The following DIAPH3 variants were observed in gnomAD, a reference collection of about 807,000 sequenced individuals.
The protein encoded by DIAPH3 is diaphanous related formin 3.
A neutral mutation model predicts 144.3 loss-of-function variants in DIAPH3; 117 were observed. The ratio of observed to expected loss-of-function variants is 0.81; its 90% CI spans 0.70 to 0.95. DIAPH3 has a LOEUF of 0.95. Among genes scored for constraint, DIAPH3 ranks in the 40% least tolerant of loss-of-function variants. The pLI, the probability that DIAPH3 is intolerant of heterozygous loss-of-function variation, is 0.00. For synonymous variants in DIAPH3, 519 were observed against 488.9 expected, an observed-to-expected ratio of 1.06 and a Z score of -0.81; for missense variants, 1,421 against 1,412.7, an observed-to-expected ratio of 1.01 and a Z score of -0.09.
intron 5 of DIAPH3, among the ~76,000 whole-genome samples, chr13:60,023,480 C>G (rs1199491585): frequency 2.0e-5 from 3 of 151,462 alleles, no homozygotes; most frequent in African/African-American, 7.3e-5. Context: ...GTCTCCCAAA[C>G]TGGAGGGCAG....
chr13:59,786,617 C>T (rs1470822939), intron 25 of DIAPH3, among the ~76,000 whole-genome samples: 1 of 151,980 alleles, frequency 6.6e-6, no homozygotes, highest in African/African-American at 2.4e-5. Context: ...GTAAGAGTAA[C>T]CATATAATGG....
intron 27 of DIAPH3, among the ~76,000 whole-genome samples, chr13:59,758,135 C>T (rs2037383949): frequency 6.6e-6 from 1 of 152,164 alleles, no homozygotes; most frequent in Admixed American, 6.5e-5. Context: ...ACTGGTACAA[C>T]TATTTTGGAA....
At chr13:59,859,391 T>A (rs1392373362) in intron 22 of DIAPH3, among the ~76,000 whole-genome samples, 3 of 152,024 alleles carry the variant, frequency 2.0e-5, no homozygotes, top group African/African-American at 7.2e-5. Context: ...CAAGTTACAG[T>A]TCTGCAAGTC....
At chr13:59,820,696 A>C (rs972262502) in intron 24 of DIAPH3, among the ~76,000 whole-genome samples, 4 of 151,604 alleles carry the variant, frequency 2.6e-5, no homozygotes, top group Non-Finnish European at 5.9e-5. Flanking sequence ...CAGGTATATC[A>C]GTCTTATTTT....
chr13:59,937,573 G>T (rs2048325172), intron 17 of DIAPH3, among the ~76,000 whole-genome samples: 2 of 152,152 alleles, frequency 1.3e-5, no homozygotes, highest in Admixed American at 6.6e-5. Context: ...GACCATCCTG[G>T]CATATTCCTG....
At position 59,773,861 on chromosome 13, in the gene DIAPH3, T is replaced by C. The variant is rs558833855; in HGVS notation, c.3319+328A>G. The stretch of plus-strand genomic sequence containing the variant: ...ATACTTCAAATTGTATCTTGACATA[T>C]AGTAAGTCCACTACTTTAAAAAGTG... On this transcript the variant is annotated intron_variant, in intron 27 of 27. Coordinates refer to ENST00000400324, the MANE Select transcript of DIAPH3 (RefSeq NM_001042517.2). Among the ~76,000 whole-genome samples, 454 of 152,282 alleles carry C rather than the reference T, an allele frequency of 3.0e-3. 3 individuals carry two copies. Among genetic ancestry groups the C allele is most frequent in the African/African-American group, 9.6e-3 (399 of 41,550 alleles).
At chr13:59,891,699 G>T (rs915129477) in intron 20 of DIAPH3, among the ~76,000 whole-genome samples, 4 of 151,946 alleles carry the variant, frequency 2.6e-5, no homozygotes, top group Non-Finnish European at 5.9e-5. Flanking sequence ...TTTAAACAGG[G>T]AAACCACTGC....
At chr13:59,701,903 G>T (rs765114513) in intron 27 of DIAPH3, among the ~76,000 whole-genome samples, 1 of 152,138 alleles carries the variant, frequency 6.6e-6, no homozygotes, top group Non-Finnish European at 1.5e-5. Flanking sequence ...AGAAAGTTTA[G>T]CGTTCCTTAA....
At position 60,097,368 on chromosome 13, in the gene DIAPH3, T is replaced by G. The variant is rs773527226; in HGVS notation, c.391-3636A>C. On this transcript the variant is annotated intron_variant, in intron 3 of 27. Transcript: ENST00000400324. ...TGAGTTCTTGCCCTATTAATTCCCA[T>G]GAGAGCAGGCTGTTTATAAGAGTTT... 2.0e-5 allele frequency among the ~76,000 whole-genome samples: 3 copies of G among 152,260 alleles called. No individual in the cohort carries two copies. The South Asian group carries it at 6.2e-4, about 32-fold the overall frequency.
chr13:60,065,953 G>T (rs890367055), intron 4 of DIAPH3, among the ~76,000 whole-genome samples: 1 of 152,102 alleles, frequency 6.6e-6, no homozygotes, highest in African/African-American at 2.4e-5. Flanking sequence ...ATGATCTGCA[G>T]AAACCTACAC....
chr13:59,694,981 T>C (rs2138709630), intron 27 of DIAPH3, among the ~76,000 whole-genome samples: 1 of 152,306 alleles, frequency 6.6e-6, no homozygotes. Context: ...AAAATTTATT[T>C]GATTGAATAA....
rs1274740132 is a variant in DIAPH3, at chr13:60,163,650, C to T, written c.117G>A (p.Lys39=). 1 of 1,608,534 alleles carries T rather than the reference C, an allele frequency of 6.2e-7. No homozygotes were observed. The highest frequency in any genetic ancestry group is 8.5e-7 in the Non-Finnish European group (1 of 1,176,032). ...TGGGCGGCGGAGGGTGTTGGGGGCC[C>T]TTCCTGCGCGGCATCTTGCTTTCCC... ...GCRESKMPRR[K]GPQHPPPPSG... The change falls in exon 1 of 28, where the codon AAG becomes AAA. Residue 39 remains lysine (K), a synonymous_variant. Coordinates refer to ENST00000400324, the MANE Select transcript of DIAPH3 (RefSeq NM_001042517.2).
chr13:59,948,054 G>C (rs1439849848), intron 17 of DIAPH3, among the ~76,000 whole-genome samples: 1 of 152,134 alleles, frequency 6.6e-6, no homozygotes, highest in Non-Finnish European at 1.5e-5. Context: ...AACAGACACA[G>C]TCTCTTAATA....
chr13:60,012,546 A>T (rs899103251), intron 7 of DIAPH3, among the ~76,000 whole-genome samples: 1 of 152,234 alleles, frequency 6.6e-6, no homozygotes, highest in African/African-American at 2.4e-5. Flanking sequence ...AAGTCAGTCA[A>T]TGATTACCAA....
At chr13:59,956,297 A>G (rs2049396850) in intron 17 of DIAPH3, among the ~76,000 whole-genome samples, 1 of 152,198 alleles carries the variant, frequency 6.6e-6, no homozygotes, top group South Asian at 2.1e-4. Flanking sequence ...CCTAGAAGGG[A>G]AAAATGATTT....
At chr13:60,154,210 A>C (rs1951923436) in intron 1 of DIAPH3, among the ~76,000 whole-genome samples, 1 of 152,176 alleles carries the variant, frequency 6.6e-6, no homozygotes, top group Admixed American at 6.5e-5. Flanking sequence ...TGTTACTACT[A>C]ATGATAACAA....
intron 23 of DIAPH3, among the ~76,000 whole-genome samples, chr13:59,835,826 A>C (rs2042018467): frequency 6.6e-6 from 1 of 151,786 alleles, no homozygotes; most frequent in African/African-American, 2.4e-5. Flanking sequence ...CAACATACTA[A>C]ATTCCTTTAT....
intron 5 of DIAPH3, among the ~76,000 whole-genome samples, chr13:60,019,518 T>C (rs1235492729): frequency 6.6e-6 from 1 of 151,930 alleles, no homozygotes. Context: ...CAAGGAAAAC[T>C]TCTAAGTATA....
At chr13:59,787,083 A>T (rs893107678) in intron 25 of DIAPH3, among the ~76,000 whole-genome samples, 2 of 152,310 alleles carry the variant, frequency 1.3e-5, no homozygotes, top group Non-Finnish European at 2.9e-5. Flanking sequence ...CCTGGGTGAC[A>T]AAGTGAGACC....
Sources: gnomAD v4.1 joint callset for allele counts (sites outside exome capture counted in the v4.1 genomes callset) on GRCh38, gnomAD v4.1.1 for gene constraint, MANE v1.5 for transcripts, NCBI Gene and HGNC (gene_info 2026-07-23, HGNC 2026-07-21) for gene names.